Variants in DOCK3 observed in about 807,000 individuals in gnomAD.
The protein encoded by DOCK3 is dedicator of cytokinesis protein 3.
In DOCK3, 60 loss-of-function variants were observed where a neutral mutation model predicts 265.6. The ratio of observed to expected loss-of-function variants is 0.23; its 90% confidence interval spans 0.18 to 0.28. The LOEUF is 0.28. Among genes scored for constraint, DOCK3 ranks in the 10% least tolerant of loss-of-function variants. The pLI is 1.00. For synonymous variants in DOCK3, 881 were observed against 938.0 expected, an observed-to-expected ratio of 0.94 and a Z score of 1.11; for missense variants, 1,981 against 2,594.3, an observed-to-expected ratio of 0.76 and a Z score of 5.14.
chr3:51,288,221 G>A (rs778218700), intron 27 of DOCK3, among the ~76,000 whole-genome samples: 3 of 151,930 alleles, frequency 2.0e-5, no homozygotes, highest in Non-Finnish European at 2.9e-5. Flanking sequence ...GTGAAACCCC[G>A]TCTCTACTAA....
chr3:50,906,459 C>T (rs1418121333), intron 4 of DOCK3, among the ~76,000 whole-genome samples: 1 of 152,028 alleles, frequency 6.6e-6, no homozygotes, highest in African/African-American at 2.4e-5. Flanking sequence ...TTCGTCTATT[C>T]AGGGATTCAG....
chr3:51,354,762 G>A (rs2086248427), intron 40 of DOCK3, 120 bp from the exon 41 acceptor site: 3 of 1,458,342 alleles, frequency 2.1e-6, no homozygotes, highest in African/African-American at 1.4e-5. Flanking sequence ...CCTGTCCCAG[G>A]GCCTGATACA....
intron 9 of DOCK3, among the ~76,000 whole-genome samples, chr3:51,146,202 G>C (rs991497101): frequency 6.6e-6 from 1 of 152,190 alleles, no homozygotes; most frequent in African/African-American, 2.4e-5. Context: ...GAATGTATAT[G>C]CTTGTTATGG....
chr3:51,305,684 A>G (rs150467407), intron 27 of DOCK3, among the ~76,000 whole-genome samples: 1 of 143,772 alleles, frequency 7.0e-6, no homozygotes, highest in African/African-American at 2.6e-5. Flanking sequence ...TGTATTTAGT[A>G]TGCCATTTTA....
intron 3 of DOCK3, among the ~76,000 whole-genome samples, chr3:50,858,448 TAATAAA>T (rs1479473033): frequency 1.6e-5 from 2 of 122,280 alleles, no homozygotes; most frequent in East Asian, 2.2e-4. Context: ...ATAATAATAA[TAATAAA>T]AATAAAATGT....
intron 9 of DOCK3, among the ~76,000 whole-genome samples, chr3:51,114,962 G>C: frequency 6.6e-6 from 1 of 152,048 alleles, no homozygotes; most frequent in African/African-American, 2.4e-5. Context: ...CTTCATTCAT[G>C]TCCCTGCAAA....
At chr3:51,224,297 C>T (rs1239235938) in intron 14 of DOCK3, among the ~76,000 whole-genome samples, 1 of 152,176 alleles carries the variant, frequency 6.6e-6, no homozygotes, top group African/African-American at 2.4e-5. Flanking sequence ...AGATTGCATA[C>T]CTGGGATAGG....
chr3:50,851,126 C>A (rs2107384189), intron 3 of DOCK3, among the ~76,000 whole-genome samples: 1 of 152,316 alleles, frequency 6.6e-6, no homozygotes. Flanking sequence ...TGGGAAACCT[C>A]CTTGGCCCCA....
chr3:50,874,215 T>C (rs187985252), intron 3 of DOCK3, among the ~76,000 whole-genome samples: 1 of 152,124 alleles, frequency 6.6e-6, no homozygotes, highest in Non-Finnish European at 1.5e-5. Flanking sequence ...GAAGTATAGA[T>C]ATTTTGCTGA....
chr3:50,958,213 G>T (rs2076781505), intron 5 of DOCK3, among the ~76,000 whole-genome samples: 1 of 152,164 alleles, frequency 6.6e-6, no homozygotes. Context: ...CCTCTGCTCA[G>T]AAGTCGTCCT....
intron 3 of DOCK3, among the ~76,000 whole-genome samples, chr3:50,871,208 A>C (rs538690847): frequency 1.3e-5 from 2 of 151,716 alleles, no homozygotes; most frequent in South Asian, 4.1e-4. Flanking sequence ...TGTTAATGAA[A>C]TCCCTCTGCT....
At chr3:50,771,341 A>T (rs549349318) in intron 1 of DOCK3, among the ~76,000 whole-genome samples, 3 of 152,248 alleles carry the variant, frequency 2.0e-5, no homozygotes, top group African/African-American at 7.2e-5. Flanking sequence ...AGGCATATGA[A>T]AAGGTGCTCA....
At chr3:50,805,719 C>T (rs1050148700) in intron 2 of DOCK3, among the ~76,000 whole-genome samples, 6 of 152,152 alleles carry the variant, frequency 3.9e-5, no homozygotes, top group Non-Finnish European at 8.8e-5. Flanking sequence ...GGATTTTGCC[C>T]ACCATGGACA....
intron 9 of DOCK3, among the ~76,000 whole-genome samples, chr3:51,115,223 G>A (rs1560081891): frequency 6.6e-6 from 1 of 152,170 alleles, no homozygotes; most frequent in Non-Finnish European, 1.5e-5. Context: ...TCGCCACACT[G>A]TTTTTCCCAA....
intron 5 of DOCK3, among the ~76,000 whole-genome samples, chr3:50,962,065 A>C (rs950922409): frequency 6.6e-6 from 1 of 151,886 alleles, no homozygotes; most frequent in Non-Finnish European, 1.5e-5. Context: ...GGTTTGTTAC[A>C]TAGGTATACA....
At chr3:51,059,455 CCA>C (rs57596003) in intron 5 of DOCK3, among the ~76,000 whole-genome samples, 85,219 of 140,410 alleles carry the variant, frequency 0.61, 25,682 homozygotes, top group Middle Eastern at 0.7. Flanking sequence ...AGAAAAAAAA[CCA>C]CACACACACA....
chr3:50,687,499 A>G (rs188510379), intron 1 of DOCK3, among the ~76,000 whole-genome samples: 63 of 152,368 alleles, frequency 4.1e-4, no homozygotes, highest in Admixed American at 9.1e-4. Context: ...CCAGTGATCT[A>G]CCTTTAGAAA....
At chr3:50,836,363 C>T (rs2045510664) in intron 2 of DOCK3, among the ~76,000 whole-genome samples, 1 of 152,234 alleles carries the variant, frequency 6.6e-6, no homozygotes, top group Admixed American at 6.5e-5. Context: ...GCGGAGGTTC[C>T]TAAACCTCAA....
chr3:50,887,472 C>T (rs866398205), intron 3 of DOCK3, among the ~76,000 whole-genome samples: 2,052 of 109,630 alleles, frequency 0.019, 24 homozygotes, highest in Non-Finnish European at 0.028. Context: ...ACAAACTATT[C>T]CAAAAAACTG....
Sources: gnomAD v4.1 joint callset for allele counts (sites outside exome capture counted in the v4.1 genomes callset) on GRCh38, gnomAD v4.1.1 for gene constraint, MANE v1.5 for transcripts, NCBI Gene and HGNC (gene_info 2026-07-23, HGNC 2026-07-21) for gene names.